STRN: variants seen among roughly 807,000 people sequenced by gnomAD.
The protein encoded by STRN is striatin, also known as protein phosphatase 2 regulatory subunit B'''alpha.
Under a neutral mutation model 96.3 loss-of-function variants are expected in STRN, and 53 were observed. The ratio of observed to expected loss-of-function variants is 0.55; its 90% CI spans 0.44 to 0.69. The LOEUF (loss-of-function observed/expected upper bound fraction) is 0.69. Among genes scored for constraint, STRN ranks in the 30% least tolerant of loss-of-function variants. The pLI, the probability that STRN is intolerant of heterozygous loss-of-function variation, is 0.00. For missense variants in STRN, 987 were observed against 963.9 expected, an observed-to-expected ratio of 1.02 and a Z score of -0.32; for synonymous variants, 428 against 355.9, an observed-to-expected ratio of 1.20 and a Z score of -2.28.
chr2:36,902,414 T>A lies in STRN; in HGVS notation c.659+170A>T, dbSNP rs145032518. ...TAATATTCTTGAATTAAAATAGTCATAAATAACTCCAATCCTTGTTACCTT... is the reference window on the plus strand; with the variant it reads ...TAATATTCTTGAATTAAAATAGTCAAAAATAACTCCAATCCTTGTTACCTT... On this transcript the variant is annotated intron_variant, in intron 5 of 17. Transcript: ENST00000263918. Among the ~76,000 whole-genome samples the A allele has an allele frequency of 9.2e-5, 14 of 152,310 alleles. No individual in the cohort carries two copies. The East Asian group carries it at 2.7e-3, about 29-fold the overall frequency.
At chr2:36,964,583 T>C (rs1054619456) in intron 1 of STRN, among the ~76,000 whole-genome samples, 1 of 152,164 alleles carries the variant, frequency 6.6e-6, no homozygotes, top group Non-Finnish European at 1.5e-5. Context: ...ATGAAAAAGT[T>C]GCCAAATAAT....
chr2:36,946,628 T>C (rs1053042204), intron 1 of STRN, among the ~76,000 whole-genome samples: 1 of 152,206 alleles, frequency 6.6e-6, no homozygotes, highest in Non-Finnish European at 1.5e-5. Context: ...CTCTAAACAG[T>C]AGGTTTGTAA....
chr2:36,846,995 T>C lies in STRN; in HGVS notation c.*2461A>G, dbSNP rs556715587. The C allele has an allele frequency of 4.6e-5, 7 of 152,330 alleles. No individual in the cohort carries two copies. Among genetic ancestry groups the C allele is most frequent in the South Asian group, 4.1e-4 (2 of 4,832 alleles). 9.4% of individuals were successfully genotyped at this position (152,330 alleles called of 1,614,324 possible). On this transcript the variant is annotated 3_prime_UTR_variant, in exon 18 of 18. Transcript: ENST00000263918. ...AATTTGTTCATTCTGTGAATTTTCA[T>C]TGAATGTTCAACAGGCTAGGGGAAA...
In STRN at chr2:36,960,510, T is replaced by A. The variant is rs562476700; in HGVS notation, c.234+5720A>T. Among the ~76,000 whole-genome samples the A allele has an allele frequency of 4.6e-5, 7 of 152,364 alleles. No homozygotes were observed. In the East Asian group the frequency reaches 1.3e-3, roughly 29 times the overall value. On this transcript the variant is annotated intron_variant, in intron 1 of 17. Transcript: ENST00000263918. ...GATAACCGAGAGCAAAAGTTTAGCA[T>A]CATGCATCTGCAACCATTTATTAAG... is the stretch of plus-strand genomic sequence containing the variant.
At chr2:36,909,363 C>T (rs987231410) in intron 3 of STRN, among the ~76,000 whole-genome samples, 2 of 151,842 alleles carry the variant, frequency 1.3e-5, no homozygotes, top group African/African-American at 4.8e-5. Flanking sequence ...TTGAATTTCT[C>T]GGTAATATCG....
At chr2:36,948,343 G>A (rs954511419) in intron 1 of STRN, among the ~76,000 whole-genome samples, 12 of 151,664 alleles carry the variant, frequency 7.9e-5, no homozygotes, top group Non-Finnish European at 1.5e-5. Flanking sequence ...CAGGTGATCC[G>A]CCCGCCTCGG....
rs1464639773 is a variant in STRN, at chr2:36,838,747, C to T, written c.*10709G>A. Among the ~76,000 whole-genome samples the T allele has an allele frequency of 6.6e-6, 1 of 152,132 alleles. No individual in the cohort carries two copies. Among genetic ancestry groups the T allele is most frequent in the African/African-American group, 2.4e-5 (1 of 41,428 alleles). On this transcript the variant is annotated 3_prime_UTR_variant, in exon 18 of 18. Coordinates refer to ENST00000263918, the MANE Select transcript of STRN (RefSeq NM_003162.4). ...ATCTATTCCGCAGACGTAAAACCAT[C>T]ATGGTGACAAACATATACACAGGAA...
At chr2:36,934,840 G>A (rs1670662322) in intron 1 of STRN, among the ~76,000 whole-genome samples, 1 of 152,182 alleles carries the variant, frequency 6.6e-6, no homozygotes, top group Admixed American at 6.5e-5. Flanking sequence ...ACTTTGAGAA[G>A]CCTAGATGGA....
intron 6 of STRN, among the ~76,000 whole-genome samples, chr2:36,895,306 G>A (rs1183176866): frequency 6.6e-6 from 1 of 150,678 alleles, no homozygotes; most frequent in African/African-American, 2.4e-5. Flanking sequence ...CAGCCTGGGC[G>A]ACAGAGCAAG....
In STRN at chr2:36,938,988, T is replaced by C. The variant is rs56006727; in HGVS notation, c.235-13780A>G. ...TGTCAAGTTTTTTTTTTTTATTTGT[T>C]TGTTTGTTTGTTTTTTGAGACTGAG... On this transcript the variant is annotated intron_variant, in intron 1 of 17. Transcript: ENST00000263918. Among the ~76,000 whole-genome samples, 823 of 152,152 alleles carry C rather than the reference T, an allele frequency of 5.4e-3. 4 individuals are homozygous for C. The highest frequency in any genetic ancestry group is 9.7e-3 in the Non-Finnish European group (662 of 67,996).
intron 7 of STRN, among the ~76,000 whole-genome samples, chr2:36,889,626 G>C (rs1356260118): frequency 1.6e-5 from 2 of 125,362 alleles, no homozygotes. Flanking sequence ...TTTGGGGGGG[G>C]TGGGGGGGAG....
intron 3 of STRN, among the ~76,000 whole-genome samples, chr2:36,914,918 C>T (rs1670049992): frequency 6.6e-6 from 1 of 152,062 alleles, no homozygotes; most frequent in Admixed American, 6.5e-5. Flanking sequence ...AATATGCGGC[C>T]GGGCGTGGTG....
intron 1 of STRN, among the ~76,000 whole-genome samples, chr2:36,927,526 G>GC (rs1299165216): frequency 1.2e-4 from 10 of 83,050 alleles, no homozygotes; most frequent in Non-Finnish European, 1.6e-4. Context: ...CAAAAAAAAG[G>GC]GGGGGGGGGG....
At chr2:36,958,537 A>C (rs1169404670) in intron 1 of STRN, among the ~76,000 whole-genome samples, 1 of 152,224 alleles carries the variant, frequency 6.6e-6, no homozygotes, top group Admixed American at 6.5e-5. Context: ...GGTTTTAACA[A>C]ATCAGACTCA....
chr2:36,875,149 C>T (rs957671649), intron 10 of STRN, among the ~76,000 whole-genome samples: 16 of 151,996 alleles, frequency 1.1e-4, no homozygotes, highest in Admixed American at 7.9e-4. Flanking sequence ...CTCTAGGGTA[C>T]CCACTGAAGA....
chr2:36,948,588 G>A (rs1323931498), intron 1 of STRN, among the ~76,000 whole-genome samples: 1 of 152,170 alleles, frequency 6.6e-6, no homozygotes, highest in African/African-American at 2.4e-5. Flanking sequence ...AGAGGAAGTT[G>A]CCAAAGAGAT....
At chr2:36,862,673 G>T (rs1170519298) in intron 12 of STRN, among the ~76,000 whole-genome samples, 1 of 151,886 alleles carries the variant, frequency 6.6e-6, no homozygotes, top group Non-Finnish European at 1.5e-5. Flanking sequence ...TTGGCCGCAT[G>T]TATGTCTTCT....
intron 9 of STRN, among the ~76,000 whole-genome samples, chr2:36,879,070 A>G (rs748509005): frequency 2.1e-5 from 3 of 142,756 alleles, no homozygotes; most frequent in South Asian, 2.2e-4. Context: ...TGTTTTGTTT[A>G]TTTGTTTTTT....
At chr2:36,928,666 A>T (rs1670485100) in intron 1 of STRN, among the ~76,000 whole-genome samples, 1 of 131,782 alleles carries the variant, frequency 7.6e-6, no homozygotes, top group Admixed American at 7.7e-5. Context: ...AAAAAAAGGC[A>T]GGGCGCAGTG....
Sources: gnomAD v4.1 joint callset for allele counts (sites outside exome capture counted in the v4.1 genomes callset) on GRCh38, gnomAD v4.1.1 for gene constraint, MANE v1.5 for transcripts, NCBI Gene and HGNC (gene_info 2026-07-23, HGNC 2026-07-21) for gene names.